Variants in DHX33 observed in about 807,000 individuals in gnomAD.
DHX33 encodes the protein DEAH-box helicase 33.
In DHX33, 42 loss-of-function variants were observed where a neutral mutation model predicts 72.5. The ratio of observed to expected loss-of-function variants is 0.58; its 90% CI spans 0.45 to 0.75. The LOEUF (loss-of-function observed/expected upper bound fraction) is 0.75, where lower values mean the gene tolerates loss of function less well. Among genes scored for constraint, DHX33 ranks in the 30% least tolerant of loss-of-function variants. The pLI, the probability that DHX33 is intolerant of heterozygous loss-of-function variation, is 0.00. For synonymous variants in DHX33, 358 were observed against 366.1 expected (o/e 0.98, Z 0.25); for missense variants, 842 against 917.5 (o/e 0.92, Z 1.06).
intron 11 of DHX33, among the ~76,000 whole-genome samples, chr17:5,446,964 C>T (rs1447810657): frequency 6.6e-6 from 1 of 152,206 alleles, no homozygotes. Flanking sequence ...AACCGTAGGC[C>T]GTTGGCATCA....
intron 1 of DHX33, among the ~76,000 whole-genome samples, chr17:5,466,833 TTCAACAAAGGTA>T (rs1385975342): frequency 6.6e-6 from 1 of 152,210 alleles, no homozygotes; most frequent in African/African-American, 2.4e-5. Flanking sequence ...TACCAAGGTT[TTCAACAAAGGTA>T]AAGGTTGCTA....
Position 5,444,294 on chromosome 17 carries a change from T to A in DHX33, c.2035A>T (p.Met679Leu), listed in dbSNP as rs751430475. 1.9e-6 allele frequency: 3 copies of A among 1,614,176 alleles called. No individual in the cohort carries two copies. In the East Asian group the frequency reaches 6.7e-5, roughly 36 times the overall value. Residue 679 changes from methionine to leucine, a missense_variant, in exon 12 of 12, where the codon ATG becomes TTG. Met to Leu is a conservative substitution (Grantham distance 15). Coordinates refer to ENST00000225296, the MANE Select transcript of DHX33 (RefSeq NM_020162.4). This position sits in a 1 kb window ranked among gnomAD's most constrained non-coding sequence, Gnocchi z 4.9. ...GCATCTATGACGCAGAGGTCCCGCA[T>A]GTAGCACTTGTTGGTGTAGAGCAGC... ...TELLYTNKCYMRDLCVIDAQW... is the reference protein window; with the variant it reads ...TELLYTNKCYLRDLCVIDAQW...
chr17:5,445,907 C>A (rs1178061103), intron 11 of DHX33, among the ~76,000 whole-genome samples: 1 of 152,140 alleles, frequency 6.6e-6, no homozygotes, highest in Admixed American at 6.5e-5. Flanking sequence ...TTGGAAGAAT[C>A]TTTATTTTGT....
chr17:5,454,093 G>T, intron 6 of DHX33, 113 bp from the exon 7 acceptor site: 7 of 1,283,474 alleles, frequency 5.5e-6, no homozygotes, highest in Non-Finnish European at 7.5e-6. Context: ...GGTCCAGAAA[G>T]CCTCAAGGCT....
At position 5,441,076 on chromosome 17, in the gene DHX33, A is replaced by C. The variant is rs548679968; in HGVS notation, c.*3129T>G. The C allele has an allele frequency of 5.9e-5, 9 of 152,270 alleles. No homozygotes were observed. Among genetic ancestry groups the C allele is most frequent in the African/African-American group, 2.2e-4 (9 of 41,558 alleles). The allele number at this position is 152,270 out of a possible 1,614,324, so 9.4% of individuals were successfully genotyped here. ...TTTTTTTTTCTCCCTCTAGTTACCA[A>C]GGAATATCGTATCTCAGATGCATGG... On this transcript the variant is annotated 3_prime_UTR_variant, in exon 12 of 12. Coordinates refer to ENST00000225296, the MANE Select transcript of DHX33 (RefSeq NM_020162.4).
intron 10 of DHX33, among the ~76,000 whole-genome samples, chr17:5,449,180 A>AT (rs1916784525): frequency 6.6e-6 from 1 of 152,240 alleles, no homozygotes; most frequent in Non-Finnish European, 1.5e-5. Flanking sequence ...ACGTAGGAAA[A>AT]TATCTTTATA....
At position 5,450,189 on chromosome 17, in the gene DHX33, A is replaced by G. The variant is rs745567175; in HGVS notation, c.1728+14T>C. ...GCAGCTATCGCTGGAGAACAGGTGC[A>G]AGACAAGGCTCACCTTATTTCCGCC... On this transcript the variant is annotated intron_variant, in intron 10 of 11. Transcript: ENST00000225296. The G allele has an allele frequency of 5.3e-5, 86 of 1,613,954 alleles. No individual in the cohort carries two copies. Among genetic ancestry groups the G allele is most frequent in the Non-Finnish European group, 7.2e-5 (85 of 1,180,018 alleles).
intron 1 of DHX33, among the ~76,000 whole-genome samples, chr17:5,467,587 G>A (rs1262903785): frequency 1.3e-5 from 2 of 152,114 alleles, no homozygotes; most frequent in African/African-American, 4.8e-5. Context: ...TCCCCGACCA[G>A]AGACATGTTA....
intron 4 of DHX33, among the ~76,000 whole-genome samples, chr17:5,458,770 T>G (rs1904449516): frequency 1.3e-5 from 2 of 152,252 alleles, no homozygotes; most frequent in South Asian, 4.1e-4. Flanking sequence ...ATGTAGAGAT[T>G]GAAAGTAGGT....
At chr17:5,464,340 CAA>C (rs1904774998) in intron 1 of DHX33, among the ~76,000 whole-genome samples, 1 of 152,078 alleles carries the variant, frequency 6.6e-6, no homozygotes, top group Non-Finnish European at 1.5e-5. Context: ...AGAAAAACAA[CAA>C]CAACAAAAAG....
rs1172635187 is a variant in DHX33, at chr17:5,444,505, C to T, written c.1824G>A (p.Met608Ile). The part of the protein sequence containing the change: ...QLRDICLKMS[M>I]PIASSRGDVE... ...CGTCTCCTCGGGATGATGCGATTGG[C>T]ATTGACATCTGTTTCGGGAGAAAGC... Residue 608 changes from methionine (M) to isoleucine (I), a missense_variant, in exon 12 of 12, where the codon ATG (methionine) becomes ATA (isoleucine). Physicochemically the swap from Met to Ile is conservative, Grantham distance 10. Transcript: ENST00000225296. This position sits in a 1 kb window ranked among gnomAD's most constrained non-coding sequence, Gnocchi z 4.9. 2 of 1,613,224 alleles carry T rather than the reference C, an allele frequency of 1.2e-6. No individual in the cohort carries two copies. Among genetic ancestry groups the T allele is most frequent in the Non-Finnish European group, 1.7e-6 (2 of 1,179,390 alleles).
intron 2 of DHX33, among the ~76,000 whole-genome samples, 174 bp from the exon 3 acceptor site, chr17:5,462,720 T>A (rs528177693): frequency 6.6e-6 from 1 of 152,340 alleles, no homozygotes; most frequent in Non-Finnish European, 1.5e-5. Context: ...AAGTTTACTT[T>A]AACCGCAATT....
Position 5,462,326 on chromosome 17 carries a change from G to C in DHX33, c.671C>G (p.Pro224Arg). The C allele has an allele frequency of 1.2e-6, 2 of 1,613,742 alleles. No individual in the cohort carries two copies. Among genetic ancestry groups the C allele is most frequent in the Non-Finnish European group, 1.7e-6 (2 of 1,179,754 alleles). Residue 224 changes from proline to arginine, a missense_variant, in exon 3 of 12, where the codon CCT (proline) becomes CGT (arginine). Transcript: ENST00000225296. ...GGGAAGTTTCCCTCATACTTTCAGAGGAAGTTTCCCGAGTTCCTTTCTCCT... is the reference window on the plus strand; with the variant it reads ...GGGAAGTTTCCCTCATACTTTCAGACGAAGTTTCCCGAGTTCCTTTCTCCT... ...QKRRKELGKLPLKVIVMSATM... is the reference protein window; with the variant it reads ...QKRRKELGKLRLKVIVMSATM...
At chr17:5,452,749 T>C (rs936208198) in intron 8 of DHX33, among the ~76,000 whole-genome samples, 3 of 152,008 alleles carry the variant, frequency 2.0e-5, no homozygotes, top group African/African-American at 7.2e-5. Context: ...ATAAATAAAA[T>C]CAAACACACT....
intron 4 of DHX33, among the ~76,000 whole-genome samples, chr17:5,459,105 T>G (rs906596723): frequency 2.0e-5 from 3 of 151,992 alleles, no homozygotes; most frequent in Non-Finnish European, 2.9e-5. Flanking sequence ...GAGGCAAAGG[T>G]AGGAGGACGG....
intron 1 of DHX33, among the ~76,000 whole-genome samples, chr17:5,465,275 C>T (rs1442365878): frequency 6.6e-6 from 1 of 152,092 alleles, no homozygotes; most frequent in Admixed American, 6.5e-5. Flanking sequence ...CCCTGTCAGT[C>T]TGTCAGCCCC....
chr17:5,446,480 A>G (rs1487957260), intron 11 of DHX33, among the ~76,000 whole-genome samples: 1 of 152,236 alleles, frequency 6.6e-6, no homozygotes, highest in Non-Finnish European at 1.5e-5. Flanking sequence ...AAAAGAATCA[A>G]TCTTATAGGT....
chr17:5,442,910 G>C lies in DHX33; in HGVS notation c.*1295C>G, dbSNP rs942443413. On this transcript the variant is annotated 3_prime_UTR_variant, in exon 12 of 12. Coordinates refer to ENST00000225296, the MANE Select transcript of DHX33 (RefSeq NM_020162.4). Reference sequence around the variant, plus strand: ...TGCTCAGAATATCAGAACAGGAACAGACTGTGGATATCCTCCAATTCCCTC... The same window carrying C: ...TGCTCAGAATATCAGAACAGGAACACACTGTGGATATCCTCCAATTCCCTC... The C allele has an allele frequency of 1.2e-4, 19 of 152,196 alleles. No homozygotes were observed. Among genetic ancestry groups the C allele is most frequent in the Middle Eastern group, 3.2e-3 (1 of 316 alleles). 9.4% of individuals were successfully genotyped at this position (152,196 alleles called of 1,614,324 possible).
At chr17:5,453,746 TA>T in intron 7 of DHX33, 74 bp downstream of exon 7, 1 of 1,612,166 alleles carries the variant, frequency 6.2e-7, no homozygotes, top group Admixed American at 1.7e-5. Context: ...GGAGTGTGAG[TA>T]AAAACTGCAG....
Sources: allele counts gnomAD v4.1 joint callset (sites outside exome capture counted in the v4.1 genomes callset), GRCh38; gene constraint gnomAD v4.1.1; non-coding constraint Gnocchi (gnomAD v3.1); transcripts MANE v1.5; gene names NCBI Gene and HGNC (gene_info 2026-07-23, HGNC 2026-07-21).